CNOT4: variants seen among roughly 807,000 people sequenced by gnomAD.
The protein encoded by CNOT4 is CCR4-NOT transcription complex subunit 4, also known as CCR4-associated factor 4.
Under a neutral mutation model 73.8 loss-of-function variants are expected in CNOT4, and 8 were observed. That is an observed-to-expected ratio of 0.11 (90% CI 0.06 to 0.20). The LOEUF (loss-of-function observed/expected upper bound fraction) is 0.20. Ranked by LOEUF, CNOT4 falls within the 10% of genes least tolerant of loss-of-function variation. CNOT4 has a pLI of 1.00. For synonymous variants in CNOT4, 293 were observed against 321.1 expected (o/e 0.91, Z 0.94); for missense variants, 564 against 883.4 (o/e 0.64, Z 4.58).
intron 1 of CNOT4, among the ~76,000 whole-genome samples, chr7:135,479,197 A>ATTT (rs1471200244): frequency 7.5e-6 from 1 of 133,596 alleles, no homozygotes; most frequent in African/African-American, 2.8e-5. Context: ...ATTAGAACCA[A>ATTT]ATTTTTTTTT....
At chr7:135,492,805 A>G (rs964614267) in intron 1 of CNOT4, among the ~76,000 whole-genome samples, 2 of 152,178 alleles carry the variant, frequency 1.3e-5, no homozygotes, top group Non-Finnish European at 2.9e-5. Flanking sequence ...AGATAGGACC[A>G]TGAAGTGCCT....
At chr7:135,472,420 C>T (rs11979015) in intron 1 of CNOT4, among the ~76,000 whole-genome samples, 84,027 of 132,638 alleles carry the variant, frequency 0.63, 26,667 homozygotes, top group East Asian at 0.77. Flanking sequence ...GAGCTTGCAG[C>T]GAGCAGAGAT....
At position 135,363,322 on chromosome 7, in the gene CNOT4, CT is replaced by C; in HGVS notation, c.1841-137del. 1.3e-6 allele frequency: 1 copy of C among 756,294 alleles called. No individual in the cohort carries two copies. The highest frequency in any genetic ancestry group is 2.1e-6 in the Non-Finnish European group (1 of 467,794). 46.8% of individuals were successfully genotyped at this position (756,294 alleles called of 1,614,324 possible). A position where few individuals can be genotyped will look rare whatever the true frequency, so the allele number is the denominator to read the frequency against. On this transcript the variant is annotated intron_variant, in intron 11 of 11. Transcript: ENST00000541284. This position sits in a 1 kb window ranked among gnomAD's most constrained non-coding sequence, Gnocchi z 4.3. ...ATTTTAAACTCCTTCCAAATAAGAC[CT>C]TTTAAACCAATCCTCCCCCAACAAC...
chr7:135,502,939 G>C (rs1373785615), intron 1 of CNOT4, among the ~76,000 whole-genome samples: 1 of 151,850 alleles, frequency 6.6e-6, no homozygotes, highest in Admixed American at 6.6e-5. Flanking sequence ...GATCACCTGA[G>C]GTCAGGAGTT....
At chr7:135,473,634 C>T (rs1801788014) in intron 1 of CNOT4, among the ~76,000 whole-genome samples, 2 of 152,124 alleles carry the variant, frequency 1.3e-5, no homozygotes, top group South Asian at 4.1e-4. Flanking sequence ...GTAGTCCCAG[C>T]TACTTGGGAG....
chr7:135,415,041 C>A, intron 4 of CNOT4, 135 bp downstream of exon 4: 1 of 639,698 alleles, frequency 1.6e-6, no homozygotes. Flanking sequence ...CCCACCCCAC[C>A]AACAGAGGTC....
At chr7:135,377,291 CCT>C (rs1365505497) in intron 10 of CNOT4, among the ~76,000 whole-genome samples, 5 of 152,198 alleles carry the variant, frequency 3.3e-5, no homozygotes, top group African/African-American at 1.2e-4. Flanking sequence ...CCCTGAAACT[CCT>C]CTGTGTTCCA....
intron 1 of CNOT4, among the ~76,000 whole-genome samples, chr7:135,475,459 T>A (rs184503894): frequency 1.0e-3 from 156 of 152,118 alleles, no homozygotes; most frequent in Middle Eastern, 3.4e-3. Context: ...GTTAAAAAAA[T>A]TTTTAATTAA....
chr7:135,471,157 T>C (rs1294650828), intron 1 of CNOT4, among the ~76,000 whole-genome samples: 1 of 152,024 alleles, frequency 6.6e-6, no homozygotes, highest in Non-Finnish European at 1.5e-5. Context: ...TTTTAGAACA[T>C]ACCTTGCAAC....
chr7:135,481,785 C>T (rs1451124515), intron 1 of CNOT4, among the ~76,000 whole-genome samples: 2 of 152,128 alleles, frequency 1.3e-5, no homozygotes, highest in African/African-American at 4.8e-5. Flanking sequence ...TTTGCAGCAA[C>T]ATAGATGAGC....
chr7:135,374,865 C>T (rs1450231930), intron 10 of CNOT4, among the ~76,000 whole-genome samples: 1 of 151,994 alleles, frequency 6.6e-6, no homozygotes, highest in Non-Finnish European at 1.5e-5. Flanking sequence ...TAACCATTAG[C>T]GTGTATGGGA....
chr7:135,498,599 AGTGCAAT>A lies in CNOT4; in HGVS notation c.-93+11283_-93+11289del, dbSNP rs529142730. ...ACTCTTGCTCTGTCACCCAGGCTGG[AGTGCAAT>A]GGCATGGTCTTGGCTCACTGCAACC... On this transcript the variant is annotated intron_variant, in intron 1 of 11. Coordinates refer to ENST00000541284, the MANE Select transcript of CNOT4 (RefSeq NM_001190850.2). Among the ~76,000 whole-genome samples, 956 of 152,226 alleles carry A rather than the reference AGTGCAAT, an allele frequency of 6.3e-3. 13 individuals carry two copies. The highest frequency in any genetic ancestry group is 0.022 in the African/African-American group (893 of 41,530).
At chr7:135,454,474 C>G (rs571142634) in intron 1 of CNOT4, among the ~76,000 whole-genome samples, 33 of 149,960 alleles carry the variant, frequency 2.2e-4, no homozygotes, top group African/African-American at 7.8e-4. Flanking sequence ...GGCAATATGG[C>G]GAAACCCTAT....
At chr7:135,372,926 T>C (rs1352303132) in intron 10 of CNOT4, among the ~76,000 whole-genome samples, 3 of 152,132 alleles carry the variant, frequency 2.0e-5, no homozygotes, top group East Asian at 3.9e-4. Context: ...AGTGGTCCCA[T>C]GGTTATAGAG....
At chr7:135,414,490 A>C in intron 4 of CNOT4, 58 bp from the exon 5 acceptor site, 1 of 778,244 alleles carries the variant, frequency 1.3e-6, no homozygotes, top group South Asian at 1.6e-5. Context: ...AATACTAAAA[A>C]AATTCTACTG....
At chr7:135,479,198 ATTTT>A (rs61487024) in intron 1 of CNOT4, among the ~76,000 whole-genome samples, 6 of 89,874 alleles carry the variant, frequency 6.7e-5, no homozygotes, top group Admixed American at 5.9e-4. Context: ...TTAGAACCAA[ATTTT>A]TTTTTTTTTT....
Position 135,363,206 on chromosome 7 carries a change from A to G in CNOT4, c.1841-20T>C, listed in dbSNP as rs1563005888. On this transcript the variant is annotated intron_variant, in intron 11 of 11. Coordinates refer to ENST00000541284, the MANE Select transcript of CNOT4 (RefSeq NM_001190850.2). The surrounding 1 kb of genome is among the most constrained non-coding windows in gnomAD (Gnocchi z 4.3). ...GAATACCTAAGGAGAGAAAAGAAAA[A>G]AGAGGGAAAATGGTGAGTTTGTGTG... 1 of 1,610,130 alleles carries G rather than the reference A, an allele frequency of 6.2e-7. No homozygotes were observed.
chr7:135,460,588 A>G (rs1800816874), intron 1 of CNOT4, among the ~76,000 whole-genome samples: 1 of 152,180 alleles, frequency 6.6e-6, no homozygotes, highest in African/African-American at 2.4e-5. Flanking sequence ...CAAAACAGCT[A>G]TAATAGTAAC....
intron 1 of CNOT4, among the ~76,000 whole-genome samples, chr7:135,440,888 T>C (rs1799437140): frequency 6.7e-6 from 1 of 150,052 alleles, no homozygotes; most frequent in Non-Finnish European, 1.5e-5. Flanking sequence ...CACTCCAGCC[T>C]GGTGACAGAG....
Sources: gnomAD v4.1 joint callset for allele counts (sites outside exome capture counted in the v4.1 genomes callset) on GRCh38, gnomAD v4.1.1 for gene constraint, Gnocchi (gnomAD v3.1) non-coding constraint, MANE v1.5 for transcripts, NCBI Gene and HGNC (gene_info 2026-07-23, HGNC 2026-07-21) for gene names.